The following RAI14 variants were observed in gnomAD, a reference collection of about 807,000 sequenced individuals.
The protein encoded by RAI14 is ankycorbin.
Under a neutral mutation model 115.4 loss-of-function variants are expected in RAI14, and 45 were observed. The observed-to-expected ratio is 0.39, with a 90% CI of 0.31 to 0.50. The LOEUF (loss-of-function observed/expected upper bound fraction) is 0.50. Ranked by LOEUF, RAI14 falls within the 20% of genes least tolerant of loss-of-function variation. The probability of loss-of-function intolerance (pLI) is 0.85; values close to 1 mark genes in which losing one functional copy is unlikely to be tolerated. For synonymous variants in RAI14, 371 were observed against 415.4 expected (o/e 0.89, Z 1.30); for missense variants, 939 against 1,131.2 (o/e 0.83, Z 2.44).
intron 13 of RAI14, among the ~76,000 whole-genome samples, chr5:34,819,861 C>A (rs1457434455): frequency 6.6e-6 from 1 of 152,188 alleles, no homozygotes; most frequent in Admixed American, 6.5e-5. Context: ...CCTTGGCCCC[C>A]CATAGTGCTG....
intron 2 of RAI14, chr5:34,733,004 T>C (rs1314463304): frequency 6.6e-6 from 1 of 152,112 alleles, no homozygotes; most frequent in African/African-American, 2.4e-5. Flanking sequence ...TCAGTGTGAC[T>C]TGTACTTGTG....
At chr5:34,672,785 T>A (rs947365106) in intron 1 of RAI14, among the ~76,000 whole-genome samples, 1 of 152,190 alleles carries the variant, frequency 6.6e-6, no homozygotes, top group Non-Finnish European at 1.5e-5. Context: ...CTGCTATTCA[T>A]CATTAGGCAT....
intron 2 of RAI14, among the ~76,000 whole-genome samples, chr5:34,726,733 A>G (rs1306126689): frequency 7.8e-6 from 1 of 127,746 alleles, no homozygotes; most frequent in Non-Finnish European, 1.7e-5. Context: ...GGTTTTATAA[A>G]GGGGAGTTCT....
chr5:34,799,922 C>T (rs886802730), intron 4 of RAI14, among the ~76,000 whole-genome samples: 18 of 152,044 alleles, frequency 1.2e-4, no homozygotes, highest in African/African-American at 3.4e-4. Flanking sequence ...CTCCTGACCT[C>T]GTGATCCGCC....
chr5:34,809,539 A>C (rs889162303), intron 7 of RAI14, among the ~76,000 whole-genome samples: 1 of 151,894 alleles, frequency 6.6e-6, no homozygotes, highest in Non-Finnish European at 1.5e-5. Flanking sequence ...ATTGAAAATC[A>C]GTCAGATTTT....
At position 34,774,191 on chromosome 5, in the gene RAI14, TA is replaced by T. The variant is rs556425919; in HGVS notation, c.167+16607del. On this transcript the variant is annotated intron_variant, in intron 3 of 17. Coordinates refer to ENST00000265109, the MANE Select transcript of RAI14 (RefSeq NM_015577.3). ...AACATGGTGAAATCCTGTGTCTACT[TA>T]AAAAAAAAAAAAATAGCCAGACATT... is the stretch of plus-strand genomic sequence containing the variant. 8.5e-3 allele frequency among the ~76,000 whole-genome samples: 1,204 copies of T among 141,040 alleles called. 4 individuals are homozygous for T. The highest frequency in any genetic ancestry group is 0.043 in the Middle Eastern group (12 of 280). The allele number at this position is 141,040 out of a possible 152,430, so 92.5% of individuals were successfully genotyped here.
At chr5:34,752,749 G>GTGTGTGTGTA (rs371462831) in intron 2 of RAI14, among the ~76,000 whole-genome samples, 4 of 107,054 alleles carry the variant, frequency 3.7e-5, no homozygotes, top group South Asian at 3.2e-4. Flanking sequence ...GTGTGTGTGT[G>GTGTGTGTGTA]TATATATATA....
intron 2 of RAI14, among the ~76,000 whole-genome samples, chr5:34,710,060 G>A (rs1741199736): frequency 6.6e-6 from 1 of 152,210 alleles, no homozygotes; most frequent in Non-Finnish European, 1.5e-5. Context: ...TTTGACCTTG[G>A]TAAGGAAATA....
At chr5:34,766,537 G>C (rs537726907) in intron 3 of RAI14, among the ~76,000 whole-genome samples, 1 of 152,248 alleles carries the variant, frequency 6.6e-6, no homozygotes, top group South Asian at 2.1e-4. Flanking sequence ...CTCCCATTTG[G>C]AATGGGTGTA....
intron 8 of RAI14, 29 bp from the exon 9 acceptor site, chr5:34,811,738 A>G (rs1157226971): frequency 1.3e-6 from 2 of 1,573,486 alleles, no homozygotes; most frequent in East Asian, 2.2e-5. Context: ...TTCTCTTAGT[A>G]CTAATTTTGT....
At chr5:34,773,049 A>T (rs897958806) in intron 3 of RAI14, among the ~76,000 whole-genome samples, 2 of 152,210 alleles carry the variant, frequency 1.3e-5, no homozygotes, top group African/African-American at 4.8e-5. Context: ...TTGTAATGAA[A>T]TGTAAAACAG....
At chr5:34,762,138 G>A (rs1748733490) in intron 3 of RAI14, among the ~76,000 whole-genome samples, 1 of 152,194 alleles carries the variant, frequency 6.6e-6, no homozygotes, top group African/African-American at 2.4e-5. Flanking sequence ...TTTTCAGTGT[G>A]TTCTTGTGGA....
At position 34,824,139 on chromosome 5, in the gene RAI14, CA is replaced by C; in HGVS notation, c.2300del (p.Lys767SerfsTer7). 6.2e-7 allele frequency: 1 copy of C among 1,613,948 alleles called. No individual in the cohort carries two copies. ...CTTGCAAGCAAGGAAGTGGAAGTAG[CA>C]AAGCTGGAGAAACAACTCTTAGAAG... ...EHLASKEVEV[A>X]KLEKQLLEEK... On this transcript the variant is annotated frameshift_variant, in exon 15 of 18. Coordinates refer to ENST00000265109, the MANE Select transcript of RAI14 (RefSeq NM_015577.3). LOFTEE classifies it high-confidence loss of function.
intron 1 of RAI14, among the ~76,000 whole-genome samples, chr5:34,666,693 T>TA (rs1203294704): frequency 6.6e-6 from 1 of 152,218 alleles, no homozygotes; most frequent in Non-Finnish European, 1.5e-5. Context: ...GATCTGCCTG[T>TA]AACAGGCTGC....
intron 15 of RAI14, 62 bp from the exon 16 acceptor site, chr5:34,826,268 A>G (rs574626390): frequency 3.3e-6 from 5 of 1,503,230 alleles, no homozygotes; most frequent in East Asian, 4.6e-5. Flanking sequence ...GCTTACAAAT[A>G]TATGAAATTT....
chr5:34,735,125 C>T (rs1034191296), intron 2 of RAI14, among the ~76,000 whole-genome samples: 12 of 152,166 alleles, frequency 7.9e-5, no homozygotes, highest in Admixed American at 1.3e-4. Context: ...GAAAGTTCAG[C>T]ATATGTTACT....
At chr5:34,746,085 A>G (rs949755694) in intron 2 of RAI14, among the ~76,000 whole-genome samples, 1 of 33,370 alleles carries the variant, frequency 3.0e-5, no homozygotes, top group Non-Finnish European at 5.6e-5. Context: ...CTTATACACC[A>G]CCCCCTCCCC....
chr5:34,821,065 T>C (rs1229955769), intron 13 of RAI14, among the ~76,000 whole-genome samples: 1 of 152,134 alleles, frequency 6.6e-6, no homozygotes, highest in Non-Finnish European at 1.5e-5. Context: ...AATAGGAATC[T>C]AGAAAAGTAG....
intron 7 of RAI14, among the ~76,000 whole-genome samples, chr5:34,809,820 T>C (rs1755371762): frequency 6.6e-6 from 1 of 152,216 alleles, no homozygotes; most frequent in Non-Finnish European, 1.5e-5. Flanking sequence ...TGCACTTGGA[T>C]AACTTCTACG....
Sources: allele counts gnomAD v4.1 joint callset (sites outside exome capture counted in the v4.1 genomes callset), GRCh38; gene constraint gnomAD v4.1.1; transcripts MANE v1.5; gene names NCBI Gene and HGNC (gene_info 2026-07-23, HGNC 2026-07-21).